The following RSRC1 variants were observed in gnomAD, a reference collection of about 807,000 sequenced individuals.
RSRC1 encodes arginine and serine rich coiled-coil 1, also known as serine/Arginine-related protein 53.
A neutral mutation model predicts 49.1 loss-of-function variants in RSRC1; 39 were observed. The observed-to-expected ratio is 0.79, with a 90% CI of 0.61 to 1.04. RSRC1 has a LOEUF of 1.04. Among genes scored for constraint, RSRC1 ranks in the 50% least tolerant of loss-of-function variants. RSRC1 has a pLI of 0.00. For missense variants in RSRC1, 388 were observed against 402.4 expected (o/e 0.96, Z 0.31); for synonymous variants, 143 against 130.8 (o/e 1.09, Z -0.63).
At chr3:158,437,994 G>A (rs759176799) in intron 6 of RSRC1, among the ~76,000 whole-genome samples, 28 of 151,938 alleles carry the variant, frequency 1.8e-4, no homozygotes, top group Non-Finnish European at 2.8e-4. Context: ...ATCAATGTGC[G>A]AAAATCACAA....
intron 4 of RSRC1, among the ~76,000 whole-genome samples, chr3:158,264,258 C>T (rs1725048681): frequency 6.6e-6 from 1 of 151,902 alleles, no homozygotes; most frequent in African/African-American, 2.4e-5. Flanking sequence ...TCTAATTTTC[C>T]TTTGATTTGT....
At chr3:158,192,017 G>A (rs1330299576) in intron 3 of RSRC1, among the ~76,000 whole-genome samples, 2 of 151,996 alleles carry the variant, frequency 1.3e-5, no homozygotes, top group Non-Finnish European at 2.9e-5. Flanking sequence ...GTTTTTAACA[G>A]CCTTTAATAA....
intron 4 of RSRC1, among the ~76,000 whole-genome samples, chr3:158,262,824 A>T (rs993922999): frequency 6.6e-6 from 1 of 152,094 alleles, no homozygotes; most frequent in Non-Finnish European, 1.5e-5. Flanking sequence ...ATTTATATAT[A>T]TTTAATATCA....
chr3:158,519,997 A>G (rs1711567377), intron 7 of RSRC1, among the ~76,000 whole-genome samples: 1 of 152,160 alleles, frequency 6.6e-6, no homozygotes, highest in South Asian at 2.1e-4. Flanking sequence ...AATGAAAAAA[A>G]AGTTTCAGGA....
intron 5 of RSRC1, among the ~76,000 whole-genome samples, chr3:158,310,623 A>G (rs889276535): frequency 1.3e-5 from 2 of 151,810 alleles, no homozygotes; most frequent in Non-Finnish European, 3.0e-5. Flanking sequence ...TAAGTGTAGC[A>G]TATTCTGAGA....
chr3:158,172,828 C>T (rs1243155878), intron 3 of RSRC1, among the ~76,000 whole-genome samples: 1 of 152,068 alleles, frequency 6.6e-6, no homozygotes, highest in Non-Finnish European at 1.5e-5. Context: ...AGTTTAGGCT[C>T]TGCCTAATTT....
At chr3:158,425,356 G>T (rs988122429) in intron 6 of RSRC1, among the ~76,000 whole-genome samples, 1 of 152,052 alleles carries the variant, frequency 6.6e-6, no homozygotes, top group African/African-American at 2.4e-5. Context: ...TCATTCAGGA[G>T]CAGGTTGTTC....
chr3:158,491,950 C>G (rs895514384), intron 7 of RSRC1, among the ~76,000 whole-genome samples: 2 of 151,948 alleles, frequency 1.3e-5, no homozygotes, highest in African/African-American at 2.4e-5. Context: ...GTGTATTAGT[C>G]CATTTTCACA....
intron 4 of RSRC1, among the ~76,000 whole-genome samples, chr3:158,217,763 T>TG (rs776331138): frequency 0.016 from 1,856 of 116,006 alleles, 58 homozygotes; most frequent in African/African-American, 0.054. Flanking sequence ...TGTGTGTGTG[T>TG]GTGGGGGGGG....
In RSRC1 at chr3:158,454,424, A is replaced by G. The variant is rs533022426; in HGVS notation, c.584-6511A>G. On this transcript the variant is annotated intron_variant, in intron 6 of 9. Transcript: ENST00000611884. ...AATAAATGTTAACTTCAATAATGAT[A>G]ATATTGTCACTTAACTTTTTTTGTA... Among the ~76,000 whole-genome samples the G allele has an allele frequency of 3.9e-5, 6 of 152,260 alleles. No individual in the cohort carries two copies. The South Asian group carries it at 1.2e-3, about 32-fold the overall frequency.
intron 7 of RSRC1, among the ~76,000 whole-genome samples, chr3:158,480,191 G>T (rs1189150773): frequency 2.0e-5 from 3 of 151,950 alleles, no homozygotes; most frequent in Non-Finnish European, 4.4e-5. Flanking sequence ...AATTCTAGCT[G>T]TAGTTTAAAG....
intron 6 of RSRC1, among the ~76,000 whole-genome samples, chr3:158,427,670 C>G (rs1735525961): frequency 6.6e-6 from 1 of 151,610 alleles, no homozygotes; most frequent in South Asian, 2.1e-4. Context: ...ACTGGCATTT[C>G]TTAGTGTATT....
At chr3:158,536,634 A>G (rs1279674599) in intron 7 of RSRC1, among the ~76,000 whole-genome samples, 1 of 151,432 alleles carries the variant, frequency 6.6e-6, no homozygotes, top group Non-Finnish European at 1.5e-5. Context: ...TAAAATATTT[A>G]GGGATAAAAT....
At chr3:158,269,310 T>C (rs1156505314) in intron 4 of RSRC1, among the ~76,000 whole-genome samples, 3 of 152,202 alleles carry the variant, frequency 2.0e-5, no homozygotes, top group African/African-American at 7.2e-5. Context: ...GTTTACTTCA[T>C]TTAAATTTTT....
At chr3:158,235,517 A>T (rs1723191316) in intron 4 of RSRC1, among the ~76,000 whole-genome samples, 1 of 152,216 alleles carries the variant, frequency 6.6e-6, no homozygotes, top group African/African-American at 2.4e-5. Context: ...TATTTCAGAT[A>T]TGTTAGGATA....
intron 5 of RSRC1, among the ~76,000 whole-genome samples, chr3:158,331,956 T>G (rs1044614100): frequency 2.4e-4 from 36 of 151,900 alleles, no homozygotes; most frequent in African/African-American, 7.5e-4. Context: ...TACAAAGCAG[T>G]ACTTTTGATT....
chr3:158,394,576 A>G (rs1733505082), intron 6 of RSRC1, among the ~76,000 whole-genome samples: 1 of 152,070 alleles, frequency 6.6e-6, no homozygotes, highest in Non-Finnish European at 1.5e-5. Context: ...CAAGAACACA[A>G]TTCCATTCAC....
chr3:158,285,772 T>A (rs1214224230), intron 4 of RSRC1, among the ~76,000 whole-genome samples: 1 of 152,180 alleles, frequency 6.6e-6, no homozygotes, highest in Non-Finnish European at 1.5e-5. Flanking sequence ...AAGTTGCTTA[T>A]CAGCTTAAGG....
chr3:158,271,805 A>C (rs1367404566), intron 4 of RSRC1, among the ~76,000 whole-genome samples: 1 of 152,160 alleles, frequency 6.6e-6, no homozygotes, highest in Non-Finnish European at 1.5e-5. Context: ...TTATGAACAC[A>C]ACAAGAATTA....
Sources: gnomAD v4.1 joint callset for allele counts (sites outside exome capture counted in the v4.1 genomes callset) on GRCh38, gnomAD v4.1.1 for gene constraint, MANE v1.5 for transcripts, NCBI Gene and HGNC (gene_info 2026-07-23, HGNC 2026-07-21) for gene names.